Variants in REPS2 observed in about 807,000 individuals in gnomAD.
REPS2 encodes RALBP1 associated Eps domain containing 2.
REPS2 carries 23 observed loss-of-function variants against 53.6 expected under a neutral mutation model. That is an observed-to-expected ratio of 0.43 (90% confidence interval 0.31 to 0.61). The LOEUF (loss-of-function observed/expected upper bound fraction) is 0.61. Ranked by LOEUF, REPS2 falls within the 20% of genes least tolerant of loss-of-function variation. The probability of loss-of-function intolerance (pLI) is 0.11; values close to 1 mark genes in which losing one functional copy is unlikely to be tolerated. For missense variants in REPS2, 446 were observed against 534.9 expected, an observed-to-expected ratio of 0.83 and a Z score of 1.64; for synonymous variants, 238 against 218.6, an observed-to-expected ratio of 1.09 and a Z score of -0.78.
chrX:17,116,060 C>T (rs771392654), intron 14 of REPS2, among the ~76,000 whole-genome samples: 2 of 111,268 alleles, frequency 1.8e-5, no homozygotes, highest in East Asian at 5.6e-4. Context: ...ACTTGGCATG[C>T]ATTTTCCTTC....
At chrX:17,120,738 A>G (rs1194251392) in intron 14 of REPS2, among the ~76,000 whole-genome samples, 4 of 111,837 alleles carry the variant, frequency 3.6e-5, no homozygotes, top group Non-Finnish European at 7.5e-5. Flanking sequence ...CTCTCTGCCT[A>G]TGTCAGGGGT....
intron 17 of REPS2, among the ~76,000 whole-genome samples, chrX:17,139,253 C>T (rs940810999): frequency 8.9e-5 from 10 of 111,776 alleles, no homozygotes; most frequent in Non-Finnish European, 1.5e-4. Context: ...AGACTAGTGA[C>T]TTTAATATGT....
At chrX:17,058,088 G>A (rs2062099084) in intron 8 of REPS2, among the ~76,000 whole-genome samples, 1 of 111,767 alleles carries the variant, frequency 8.9e-6, no homozygotes, top group African/African-American at 3.3e-5. Context: ...GAACCTGTGG[G>A]ACATGCCATG....
intron 2 of REPS2, among the ~76,000 whole-genome samples, chrX:17,016,043 TC>T (rs1228629138): frequency 1.8e-5 from 2 of 111,768 alleles, no homozygotes; most frequent in Admixed American, 9.5e-5. Flanking sequence ...GTAAAAGTGT[TC>T]CTGTTTCTCC....
At chrX:17,127,528 C>G (rs780632167) in intron 14 of REPS2, among the ~76,000 whole-genome samples, 1 of 111,815 alleles carries the variant, frequency 8.9e-6, no homozygotes, top group South Asian at 3.8e-4. Context: ...CTTCTGCCTG[C>G]TGTGGCATAG....
chrX:17,183,520 A>G, the REPS2 span, among the ~76,000 whole-genome samples: 1 of 112,456 alleles, frequency 8.9e-6, no homozygotes, highest in African/African-American at 3.2e-5. Flanking sequence ...TCAAGCCAGC[A>G]TATGTGCTGT....
chrX:17,128,747 C>T (rs1308097355), intron 14 of REPS2, among the ~76,000 whole-genome samples: 2 of 112,803 alleles, frequency 1.8e-5, no homozygotes, highest in Non-Finnish European at 3.7e-5. Flanking sequence ...TGGGAATGGT[C>T]GAAGACCCAG....
At chrX:16,962,277 A>ACG (rs2060672650) in intron 1 of REPS2, among the ~76,000 whole-genome samples, 1 of 4,848 alleles carries the variant, frequency 2.1e-4, no homozygotes, top group South Asian at 6.8e-3. Context: ...ATCGTGGGAT[A>ACG]CACACACACA....
downstream of REPS2, among the ~76,000 whole-genome samples, chrX:17,157,696 T>C (rs1030374262): frequency 2.7e-5 from 3 of 112,180 alleles, no homozygotes; most frequent in African/African-American, 9.7e-5. Context: ...GAGAAACTGT[T>C]ACAGAAGAGC....
chrX:17,060,138 C>A (rs2062138354), intron 8 of REPS2, among the ~76,000 whole-genome samples: 1 of 108,996 alleles, frequency 9.2e-6, no homozygotes, highest in East Asian at 2.9e-4. Context: ...CTGTCTCCAC[C>A]AAAAAATACA....
At position 17,006,326 on chromosome X, in the gene REPS2, A is replaced by T; in HGVS notation, c.379A>T (p.Ile127Leu). The stretch of plus-strand genomic sequence containing the variant: ...AGCACAATCTGGCCTCCCGGTACGG[A>T]TAGAGAGTATTAAATGTGGTGAGTA... ...AAAQSGLPVR[I>L]ESIKCELPLP... The change falls in exon 2 of 18, where the codon ATA (isoleucine) becomes TTA (leucine). Residue 127 changes from isoleucine (I) to leucine (L), a missense_variant. Coordinates refer to ENST00000357277, the MANE Select transcript of REPS2 (RefSeq NM_004726.3). 8.3e-7 allele frequency: 1 copy of T among 1,210,044 alleles called. No homozygotes were observed. Among genetic ancestry groups the T allele is most frequent in the Non-Finnish European group, 1.1e-6 (1 of 894,134 alleles).
At chrX:17,130,259 T>C (rs1166030250) in intron 14 of REPS2, among the ~76,000 whole-genome samples, 1 of 111,546 alleles carries the variant, frequency 9.0e-6, no homozygotes, top group Non-Finnish European at 1.9e-5. Flanking sequence ...TGGACAGCTT[T>C]GCTTGGTTGT....
At chrX:17,139,998 A>G (rs1000372837) in intron 17 of REPS2, among the ~76,000 whole-genome samples, 1 of 111,566 alleles carries the variant, frequency 9.0e-6, no homozygotes, top group Non-Finnish European at 1.9e-5. Flanking sequence ...TCTACCCACT[A>G]TATCCCCCAG....
chrX:17,113,091 C>CAAA (rs10567369), intron 14 of REPS2, among the ~76,000 whole-genome samples: 5 of 13,558 alleles, frequency 3.7e-4, no homozygotes, highest in East Asian at 3.2e-3. Context: ...GACTCTGTCT[C>CAAA]AAAAAAAAAA....
At position 17,147,420 on chromosome X, in the gene REPS2, A is replaced by G; in HGVS notation, c.1922A>G (p.His641Arg). ...SELQQQLKEV[H>R]QERIALENQL... Reference sequence around the variant, plus strand: ...GTGTTTTGTACAACTCAGGAGGTTCATCAAGAACGAATTGCATTGGAAAAC... The same window carrying G: ...GTGTTTTGTACAACTCAGGAGGTTCGTCAAGAACGAATTGCATTGGAAAAC... Residue 641 changes from histidine to arginine, a missense_variant, in exon 18 of 18, where the codon CAT becomes CGT. By Grantham distance (29) the His-to-Arg change is conservative. Coordinates refer to ENST00000357277, the MANE Select transcript of REPS2 (RefSeq NM_004726.3). 2 of 1,205,936 alleles carry G rather than the reference A, an allele frequency of 1.7e-6. No individual in the cohort carries two copies. The highest frequency in any genetic ancestry group is 2.2e-6 in the Non-Finnish European group (2 of 892,168).
At chrX:17,074,786 A>G (rs372141487) in intron 12 of REPS2, among the ~76,000 whole-genome samples, 1 of 111,957 alleles carries the variant, frequency 8.9e-6, no homozygotes, top group South Asian at 3.7e-4. Flanking sequence ...CCATTAAGGA[A>G]GGGAAATGGT....
chrX:17,050,133 C>T lies in REPS2; in HGVS notation c.908-2249C>T, dbSNP rs28882723. Among the ~76,000 whole-genome samples the T allele has an allele frequency of 6.0e-4, 22 of 36,676 alleles. 1 individual carries two copies. The highest frequency in any genetic ancestry group is 1.7e-3 in the African/African-American group (18 of 10,744). 31.8% of individuals were successfully genotyped at this position (36,676 alleles called of 115,157 possible). A position where few individuals can be genotyped will look rare whatever the true frequency, so the allele number is the denominator to read the frequency against. ...TTTCTATGTTTCTTCTTTCTTTCTT[C>T]CTTTCTTCCTTTCTTTCTTTCTTTC... is the stretch of plus-strand genomic sequence containing the variant. On this transcript the variant is annotated intron_variant, in intron 6 of 17. Transcript: ENST00000357277.
chrX:17,053,610 G>A (rs1399656787), intron 7 of REPS2, among the ~76,000 whole-genome samples: 1 of 111,956 alleles, frequency 8.9e-6, no homozygotes, highest in East Asian at 2.8e-4. Flanking sequence ...TGAAAACTCT[G>A]GGATTACAGG....
chrX:17,069,969 C>A lies in REPS2; in HGVS notation c.1309C>A (p.Pro437Thr). 1 of 1,137,320 alleles carries A rather than the reference C, an allele frequency of 8.8e-7. No homozygotes were observed. The highest frequency in any genetic ancestry group is 1.2e-6 in the Non-Finnish European group (1 of 852,859). The allele number at this position is 1,137,320 out of a possible 1,213,427, so 93.7% of individuals were successfully genotyped here. ...ALKSTINEAL[P>T]KDVSEDPATP... is the part of the protein sequence containing the mutation. ...GAAAAGTACTATCAATGAAGCCTTA[C>A]CAAAGGACGTGTCTGAGGATCCAGG... The change falls in exon 11 of 18, where the codon CCA becomes ACA. Residue 437 changes from proline to threonine, a missense_variant. Coordinates refer to ENST00000357277, the MANE Select transcript of REPS2 (RefSeq NM_004726.3).
Sources: gnomAD v4.1 joint callset for allele counts (sites outside exome capture counted in the v4.1 genomes callset) on GRCh38, gnomAD v4.1.1 for gene constraint, MANE v1.5 for transcripts, NCBI Gene and HGNC (gene_info 2026-07-23, HGNC 2026-07-21) for gene names.